RNF31: variants seen among roughly 807,000 people sequenced by gnomAD.
The protein encoded by RNF31 is E3 ubiquitin-protein ligase RNF31.
A neutral mutation model predicts 133.6 loss-of-function variants in RNF31; 38 were observed. The observed-to-expected ratio is 0.28, with a 90% confidence interval of 0.22 to 0.37. The LOEUF is 0.37. RNF31 is among the 10% of genes least tolerant of loss of function. The probability of loss-of-function intolerance (pLI) is 1.00; values close to 1 mark genes in which losing one functional copy is unlikely to be tolerated. For synonymous variants in RNF31, 582 were observed against 552.3 expected (o/e 1.05, Z -0.75); for missense variants, 1,118 against 1,394.1 (o/e 0.80, Z 3.15).
Position 24,148,020 on chromosome 14 carries a change from G to A in RNF31, c.237G>A (p.Leu79=), listed in dbSNP as rs748413151. Residue 79 remains leucine, a synonymous_variant, in exon 2 of 21, where the codon CTG becomes CTA. Coordinates refer to ENST00000324103, the MANE Select transcript of RNF31 (RefSeq NM_017999.5). ...LNTLSTALNI[L]EKYGRNLLSP... is the part of the protein sequence containing the mutation. The stretch of plus-strand genomic sequence containing the variant: ...CCCTGTCCACGGCTCTGAACATCCT[G>A]GAGAAATACGGCCGCAACCTTCTCA... The A allele has an allele frequency of 8.7e-6, 14 of 1,614,094 alleles. No individual in the cohort carries two copies. The highest frequency in any genetic ancestry group is 5.0e-5 in the Admixed American group (3 of 60,004).
At position 24,147,902 on chromosome 14, in the gene RNF31, C is replaced by G. The variant is rs564131739; in HGVS notation, c.192+12C>G. ...ACGCTCATGGGGAGGTGAGGCCCGG[C>G]CCCGCTTGGAAGGGGGACACCAGGG... On this transcript the variant is annotated intron_variant, in intron 1 of 20. Coordinates refer to ENST00000324103, the MANE Select transcript of RNF31 (RefSeq NM_017999.5). 6.2e-7 allele frequency: 1 copy of G among 1,612,208 alleles called. No homozygotes were observed. Among genetic ancestry groups the G allele is most frequent in the East Asian group, 2.2e-5 (1 of 44,856 alleles).
chr14:24,147,841 A>C lies in RNF31; in HGVS notation c.143A>C (p.Tyr48Ser). 6.2e-7 allele frequency: 1 copy of C among 1,609,820 alleles called. No homozygotes were observed. The highest frequency in any genetic ancestry group is 8.5e-7 in the Non-Finnish European group (1 of 1,179,344). Residue 48 changes from tyrosine (Y) to serine (S), a missense_variant, in exon 1 of 21, where the codon TAC (tyrosine) becomes TCC (serine). Physicochemically the swap from Tyr to Ser is moderately radical, Grantham distance 144. Around this residue, in one of 3 missense-constraint regions of RNF31, gnomAD observed 747 missense variants for 827.9 expected, o/e 0.90. Transcript: ENST00000324103. Reference protein sequence around the residue: ...LASSLPLAARYLQLDAARLVR... With the variant: ...LASSLPLAARSLQLDAARLVR... ...AGCTCTCTGCCGCTAGCCGCCCGCT[A>C]CCTGCAGCTGGACGCCGCACGCCTT...
In RNF31 at chr14:24,150,412, T is replaced by C; in HGVS notation, c.1161T>C (p.Asp387=). 1.2e-6 allele frequency: 2 copies of C among 1,612,946 alleles called. No homozygotes were observed. The highest frequency in any genetic ancestry group is 1.9e-4 in the Middle Eastern group (1 of 5,340). The change falls in exon 7 of 21, where the codon GAT becomes GAC. Residue 387 remains aspartate, a synonymous_variant. Transcript: ENST00000324103. The part of the protein sequence containing the change: ...RLAQPPSLVV[D]SRDAGICLQP... ...CCCAGCCTCCCAGCTTGGTGGTGGA[T>C]TCCCGAGATGCTGGCATTTGCCTGC...
chr14:24,159,108 G>A (rs2038396843), intron 18 of RNF31, among the ~76,000 whole-genome samples: 1 of 151,096 alleles, frequency 6.6e-6, no homozygotes, highest in Non-Finnish European at 1.5e-5. Flanking sequence ...ACTTTGGGAG[G>A]CCGAGGCAGG....
At chr14:24,148,763 C>T in intron 4 of RNF31, 38 bp from the exon 5 acceptor site, 2 of 1,613,420 alleles carry the variant, frequency 1.2e-6, no homozygotes, top group Non-Finnish European at 1.7e-6. Context: ...ACTCTGTGTC[C>T]CTAAACCCTT....
chr14:24,150,403 G>A lies in RNF31; in HGVS notation c.1152G>A (p.Leu384=). 1 of 1,613,182 alleles carries A rather than the reference G, an allele frequency of 6.2e-7. No individual in the cohort carries two copies. Among genetic ancestry groups the A allele is most frequent in the Non-Finnish European group, 8.5e-7 (1 of 1,179,862 alleles). The change falls in exon 7 of 21, where the codon TTG becomes TTA. Residue 384 remains leucine, a synonymous_variant. Coordinates refer to ENST00000324103, the MANE Select transcript of RNF31 (RefSeq NM_017999.5). ...ERPRLAQPPS[L]VVDSRDAGIC... ...CTCGGCTGGCCCAGCCTCCCAGCTT[G>A]GTGGTGGATTCCCGAGATGCTGGCA...
In RNF31 at chr14:24,150,851, T is replaced by A. The variant is rs1318884690; in HGVS notation, c.1451T>A (p.Met484Lys). The A allele has an allele frequency of 6.4e-7, 1 of 1,569,540 alleles. No homozygotes were observed. The highest frequency in any genetic ancestry group is 1.8e-5 in the Admixed American group (1 of 54,962). ...CCTGAGAAGCAGCGCCAAGACAAGA[T>A]GCGGGAAGAAGGCCTCCAGCTAGTG... ...GDPEKQRQDK[M>K]REEGLQLVSM... The change falls in exon 8 of 21, where the codon ATG (methionine) becomes AAG (lysine). Residue 484 changes from methionine to lysine, a missense_variant. Physicochemically the swap from Met to Lys is moderately conservative, Grantham distance 95. Around this residue, in one of 3 missense-constraint regions of RNF31, gnomAD observed 747 missense variants for 827.9 expected, o/e 0.90. Coordinates refer to ENST00000324103, the MANE Select transcript of RNF31 (RefSeq NM_017999.5).
In RNF31 at chr14:24,155,347, AG is replaced by A; in HGVS notation, c.2304+19del. The A allele has an allele frequency of 1.9e-6, 3 of 1,614,094 alleles. No individual in the cohort carries two copies. Among genetic ancestry groups the A allele is most frequent in the Non-Finnish European group, 2.5e-6 (3 of 1,179,990 alleles). ...GACATCCAGGTACTGCAGCCCCTCT[AG>A]GACTCAGGTACCCTGAGCTTTGAAC... is the stretch of plus-strand genomic sequence containing the variant. On this transcript the variant is annotated intron_variant, in intron 12 of 20. Transcript: ENST00000324103. This position sits in a 1 kb window ranked among gnomAD's most constrained non-coding sequence, Gnocchi z 4.9.
In RNF31 at chr14:24,155,226, T is replaced by C; in HGVS notation, c.2200T>C (p.Leu734=). 1.9e-6 allele frequency: 3 copies of C among 1,614,134 alleles called. No individual in the cohort carries two copies. The highest frequency in any genetic ancestry group is 2.5e-6 in the Non-Finnish European group (3 of 1,180,032). Residue 734 remains leucine, a synonymous_variant, in exon 12 of 21, where the codon TTG becomes CTG. Transcript: ENST00000324103. This position sits in a 1 kb window ranked among gnomAD's most constrained non-coding sequence, Gnocchi z 4.9. The part of the protein sequence containing the change: ...DCFRQHFTIA[L]KEKHITDMVC... ...CTTCCGCCAGCACTTCACCATCGCC[T>C]TGAAGGAGAAGCACATCACAGACAT... is the stretch of plus-strand genomic sequence containing the variant.
chr14:24,149,987 G>A (rs1012336400), intron 6 of RNF31, 74 bp from the exon 7 acceptor site: 5 of 1,488,140 alleles, frequency 3.4e-6, no homozygotes, highest in Non-Finnish European at 4.5e-6. Flanking sequence ...CCCAGGAAAT[G>A]GAGAATGCTT....
Position 24,151,127 on chromosome 14 carries a change from T to TTAG in RNF31, c.1489-3_1489-1dup. On this transcript the variant is annotated splice_region_variant and splice_polypyrimidine_tract_variant and intron_variant, in intron 8 of 20. Coordinates refer to ENST00000324103, the MANE Select transcript of RNF31 (RefSeq NM_017999.5). This position sits in a 1 kb window ranked among gnomAD's most constrained non-coding sequence, Gnocchi z 5.3. ...CCCTCCTGATGGGCGGGACTGTGCC[T>TTAG]TAGGAAGGGGAAGCCGCAGGTGCCT... 1 of 1,613,480 alleles carries TTAG rather than the reference T, an allele frequency of 6.2e-7. No individual in the cohort carries two copies. Among genetic ancestry groups the TTAG allele is most frequent in the Non-Finnish European group, 8.5e-7 (1 of 1,179,698 alleles).
chr14:24,159,584 CAAAAAAAAAA>C (rs59295225), intron 18 of RNF31, among the ~76,000 whole-genome samples: 12,682 of 82,282 alleles, frequency 0.15, 869 homozygotes, highest in East Asian at 0.43. Context: ...AAATAACAAC[CAAAAAAAAAA>C]AAAAAAAAAA....
intron 18 of RNF31, among the ~76,000 whole-genome samples, chr14:24,159,206 G>T (rs1043034247): frequency 5.3e-5 from 8 of 151,248 alleles, no homozygotes; most frequent in South Asian, 2.1e-4. Context: ...AATTAGCAAG[G>T]TGTGGTGGCA....
Position 24,155,052 on chromosome 14 carries a change from T to C in RNF31, c.2131-105T>C. On this transcript the variant is annotated intron_variant, in intron 11 of 20. Coordinates refer to ENST00000324103, the MANE Select transcript of RNF31 (RefSeq NM_017999.5). The surrounding 1 kb of genome is among the most constrained non-coding windows in gnomAD (Gnocchi z 4.9). ...CTTGAGGTTGTTAACCCTGCCCAGT[T>C]GTTAATTAGACCCTGATTTCTTAGT... 2.7e-6 allele frequency: 3 copies of C among 1,126,296 alleles called. No homozygotes were observed. Among genetic ancestry groups the C allele is most frequent in the Non-Finnish European group, 2.6e-6 (2 of 782,458 alleles). 69.8% of individuals were successfully genotyped at this position (1,126,296 alleles called of 1,614,324 possible).
chr14:24,158,126 T>C lies in RNF31; in HGVS notation c.2842-16T>C, dbSNP rs773288106. On this transcript the variant is annotated splice_polypyrimidine_tract_variant and intron_variant, in intron 17 of 20. Transcript: ENST00000324103. ...CATCAAGGGGAATGTAACACCCATC[T>C]GTCTCTCCTCCTCAGGACAATAACG... 8 of 1,614,104 alleles carry C rather than the reference T, an allele frequency of 5.0e-6. No homozygotes were observed. The highest frequency in any genetic ancestry group is 6.8e-6 in the Non-Finnish European group (8 of 1,180,006).
rs2038430136 is a variant in RNF31 at position 24,160,464 on chromosome 14, T to C, written c.3166-56T>C. On this transcript the variant is annotated intron_variant, in intron 20 of 20. Transcript: ENST00000324103. This position sits in a 1 kb window ranked among gnomAD's most constrained non-coding sequence, Gnocchi z 4.0. Reference sequence around the variant, plus strand: ...CCACCCTACAGAAGTCACCTGGTGCTGACTGTGTCTGAGCTCCAGGCTTCC... The same window carrying C: ...CCACCCTACAGAAGTCACCTGGTGCCGACTGTGTCTGAGCTCCAGGCTTCC... 2 of 1,583,410 alleles carry C rather than the reference T, an allele frequency of 1.3e-6. No homozygotes were observed. The highest frequency in any genetic ancestry group is 2.3e-5 in the South Asian group (2 of 88,554).
Position 24,157,370 on chromosome 14 carries a change from G to A in RNF31, c.2574G>A (p.Gln858=), listed in dbSNP as rs764832680. 29 of 1,611,908 alleles carry A rather than the reference G, an allele frequency of 1.8e-5. No individual in the cohort carries two copies. The Admixed American group carries it at 3.2e-4, about 18-fold the overall frequency. Residue 858 remains glutamine, a synonymous_variant, in exon 15 of 21, where the codon CAG becomes CAA. Transcript: ENST00000324103. ...KRMNDPEYQA[Q]GLAMYLQENG... ...TGAACGACCCAGAATACCAGGCCCAGGGCCTAGCAATGTATCTTCAGGAAA... is the reference window on the plus strand; with the variant it reads ...TGAACGACCCAGAATACCAGGCCCAAGGCCTAGCAATGTATCTTCAGGAAA...
chr14:24,154,860 TC>T, intron 11 of RNF31: 1 of 414,602 alleles, frequency 2.4e-6, no homozygotes, highest in Non-Finnish European at 4.4e-6. Context: ...ATGAAGCTGT[TC>T]TCCACCTCTA....
intron 5 of RNF31, chr14:24,149,110 T>C (rs2038224182): frequency 1.0e-5 from 6 of 599,494 alleles, no homozygotes; most frequent in South Asian, 2.0e-5. Context: ...ATTACAGGCA[T>C]GCGCCACCGC....
Sources: allele counts gnomAD v4.1 joint callset (sites outside exome capture counted in the v4.1 genomes callset), GRCh38; gene constraint gnomAD v4.1.1; regional missense constraint gnomAD v4.1.1; non-coding constraint Gnocchi (gnomAD v3.1); transcripts MANE v1.5; gene names NCBI Gene and HGNC (gene_info 2026-07-23, HGNC 2026-07-21).